Variants in CHN2 observed in about 807,000 individuals in gnomAD.
The protein encoded by CHN2 is chimerin 2.
In CHN2, 35 loss-of-function variants were observed where a neutral mutation model predicts 56.3. The observed-to-expected ratio is 0.62, with a 90% confidence interval of 0.47 to 0.82. The LOEUF is 0.82. Among genes scored for constraint, CHN2 ranks in the 40% least tolerant of loss-of-function variants. The pLI is 0.00. For synonymous variants in CHN2, 210 were observed against 212.8 expected, an observed-to-expected ratio of 0.99 and a Z score of 0.12; for missense variants, 491 against 580.5, an observed-to-expected ratio of 0.85 and a Z score of 1.58.
chr7:29,197,367 A>C (rs1328721339), intron 1 of CHN2, among the ~76,000 whole-genome samples: 1 of 152,238 alleles, frequency 6.6e-6, no homozygotes. Flanking sequence ...CCAGCTGGGT[A>C]TCTTGGAGTG....
At chr7:29,469,226 C>T (rs1023830460) in intron 6 of CHN2, among the ~76,000 whole-genome samples, 1 of 152,204 alleles carries the variant, frequency 6.6e-6, no homozygotes, top group Admixed American at 6.5e-5. Context: ...CATTCCTTAT[C>T]ACCTCCACTG....
At chr7:29,261,386 G>A (rs999800507) in intron 1 of CHN2, among the ~76,000 whole-genome samples, 2 of 152,094 alleles carry the variant, frequency 1.3e-5, no homozygotes, top group African/African-American at 2.4e-5. Context: ...AGCAGTTGGC[G>A]GTTATCTTCA....
intron 1 of CHN2, among the ~76,000 whole-genome samples, chr7:29,243,436 T>C (rs991731689): frequency 6.6e-6 from 1 of 152,228 alleles, no homozygotes; most frequent in African/African-American, 2.4e-5. Context: ...TGCACTTTTT[T>C]TTCCAAGGGG....
At chr7:29,507,155 T>TG (rs1790661453) in intron 10 of CHN2, 73 bp from the exon 11 acceptor site, 1 of 1,410,252 alleles carries the variant, frequency 7.1e-7, no homozygotes, top group African/African-American at 1.5e-5. Flanking sequence ...GGATTTTTTT[T>TG]TTTTTTCCTT....
chr7:29,419,741 C>CT (rs1804140202), intron 6 of CHN2, among the ~76,000 whole-genome samples: 1 of 152,152 alleles, frequency 6.6e-6, no homozygotes, highest in South Asian at 2.1e-4. Context: ...AAAAGATGCT[C>CT]TACATCATTA....
intron 6 of CHN2, among the ~76,000 whole-genome samples, chr7:29,413,010 A>G (rs893402024): frequency 2.7e-4 from 41 of 152,212 alleles, no homozygotes; most frequent in African/African-American, 9.4e-4. Flanking sequence ...GTTTGTTTTC[A>G]TGGCCTCTGG....
intron 1 of CHN2, among the ~76,000 whole-genome samples, chr7:29,287,595 T>C (rs544921554): frequency 7.2e-5 from 11 of 152,316 alleles, no homozygotes; most frequent in African/African-American, 2.4e-4. Flanking sequence ...TTAGTCATCA[T>C]TTGAGCCCTA....
rs769981388 is a variant in CHN2, at chr7:29,146,903, C to A, written c.217C>A (p.His73Asn). Residue 73 changes from histidine (H) to asparagine (N), a missense_variant, in exon 2 of 7, where the codon CAC becomes AAC. Transcript: ENST00000439384. Reference sequence around the variant, plus strand: ...TGGAAAGCGAGTGGTGTTTGATTCCCACTGTTTAAAAAGGCAACACACGTT... The same window carrying A: ...TGGAAAGCGAGTGGTGTTTGATTCCAACTGTTTAAAAAGGCAACACACGTT... 1.0e-5 allele frequency: 16 copies of A among 1,551,024 alleles called. No homozygotes were observed. In the African/African-American group the frequency reaches 1.5e-4, roughly 15 times the overall value.
At chr7:29,172,407 A>C (rs1172305141) in intron 2 of CHN2, among the ~76,000 whole-genome samples, 1 of 152,184 alleles carries the variant, frequency 6.6e-6, no homozygotes, top group Non-Finnish European at 1.5e-5. Context: ...AGTTTTCTTA[A>C]TATGCTGTAA....
chr7:29,491,530 T>C (rs1163686052), intron 7 of CHN2, among the ~76,000 whole-genome samples: 1 of 152,174 alleles, frequency 6.6e-6, no homozygotes, highest in East Asian at 1.9e-4. Flanking sequence ...CATGTCAGTC[T>C]CCTGAGTAGC....
chr7:29,514,076 G>T lies in CHN2; in HGVS notation c.*1341G>T, dbSNP rs914758820. The T allele has an allele frequency of 4.6e-5, 7 of 152,624 alleles. No homozygotes were observed. Among genetic ancestry groups the T allele is most frequent in the African/African-American group, 1.7e-4 (7 of 41,440 alleles). The allele number at this position is 152,624 out of a possible 1,614,324, so 9.5% of individuals were successfully genotyped here. On this transcript the variant is annotated 3_prime_UTR_variant, in exon 13 of 13. Transcript: ENST00000222792. The stretch of plus-strand genomic sequence containing the variant: ...ACTATTTTACGTGGAGCATCATTGT[G>T]TGACTGTTGACCTGGACAGTCCCAA...
At chr7:29,344,335 T>A (rs1367061327) in intron 1 of CHN2, among the ~76,000 whole-genome samples, 1 of 152,216 alleles carries the variant, frequency 6.6e-6, no homozygotes, top group African/African-American at 2.4e-5. Flanking sequence ...CTCTGTATTA[T>A]CCCCGCTTGC....
At chr7:29,324,345 A>C (rs893137673) in intron 1 of CHN2, among the ~76,000 whole-genome samples, 5 of 152,178 alleles carry the variant, frequency 3.3e-5, no homozygotes, top group Non-Finnish European at 7.3e-5. Flanking sequence ...AGCTTTATAA[A>C]AGTGATTGAA....
At chr7:29,491,100 T>G (rs1788615209) in intron 7 of CHN2, among the ~76,000 whole-genome samples, 1 of 152,186 alleles carries the variant, frequency 6.6e-6, no homozygotes, top group African/African-American at 2.4e-5. Flanking sequence ...AAAATAAATC[T>G]CTATTATCTC....
chr7:29,469,620 C>T (rs1215808799), intron 6 of CHN2, among the ~76,000 whole-genome samples: 1 of 152,208 alleles, frequency 6.6e-6, no homozygotes, highest in Non-Finnish European at 1.5e-5. Flanking sequence ...GCATGGCTCA[C>T]CTATCACCTC....
At chr7:29,351,284 C>T (rs1023094840) in intron 1 of CHN2, among the ~76,000 whole-genome samples, 1 of 151,348 alleles carries the variant, frequency 6.6e-6, no homozygotes, top group Non-Finnish European at 1.5e-5. Context: ...GATTTGAACC[C>T]TGAGAGTTCA....
intron 3 of CHN2, among the ~76,000 whole-genome samples, chr7:29,371,137 T>A (rs1799576274): frequency 6.6e-6 from 1 of 152,178 alleles, no homozygotes; most frequent in South Asian, 2.1e-4. Flanking sequence ...GTCAGAAACC[T>A]GTGAAGAACA....
At chr7:29,335,195 C>T (rs747130028) in intron 1 of CHN2, among the ~76,000 whole-genome samples, 2 of 152,202 alleles carry the variant, frequency 1.3e-5, no homozygotes, top group Non-Finnish European at 2.9e-5. Flanking sequence ...TGGAGTCACT[C>T]ATGCATTCTC....
chr7:29,393,030 T>C (rs1190246355), intron 3 of CHN2, among the ~76,000 whole-genome samples: 1 of 152,138 alleles, frequency 6.6e-6, no homozygotes, highest in Non-Finnish European at 1.5e-5. Flanking sequence ...CAGATGATCA[T>C]GTATGTGAGA....
Sources: allele counts gnomAD v4.1 joint callset (sites outside exome capture counted in the v4.1 genomes callset), GRCh38; gene constraint gnomAD v4.1.1; transcripts MANE v1.5; gene names NCBI Gene and HGNC (gene_info 2026-07-23, HGNC 2026-07-21).